The following FAM8A1 variants were observed in gnomAD, a reference collection of about 807,000 sequenced individuals.
FAM8A1 encodes family with sequence similarity 8 member A1, also known as protein FAM8A1.
A neutral mutation model predicts 38.3 loss-of-function variants in FAM8A1; 18 were observed. The observed-to-expected ratio is 0.47, with a 90% CI of 0.33 to 0.70. The LOEUF (loss-of-function observed/expected upper bound fraction) is 0.70, where lower values mean the gene tolerates loss of function less well. Ranked by LOEUF, FAM8A1 falls within the 30% of genes least tolerant of loss-of-function variation. The probability of loss-of-function intolerance (pLI) is 0.03; values close to 1 mark genes in which losing one functional copy is unlikely to be tolerated. For synonymous variants in FAM8A1, 246 were observed against 234.4 expected (o/e 1.05, Z -0.45); for missense variants, 559 against 559.6 (o/e 1.00, Z 0.01).
intron 1 of FAM8A1, among the ~76,000 whole-genome samples, chr6:17,602,203 G>T (rs1478854725): frequency 6.6e-6 from 1 of 152,202 alleles, no homozygotes; most frequent in African/African-American, 2.4e-5. Flanking sequence ...GCTAATTTTT[G>T]TATTTTTTGT....
In FAM8A1 at chr6:17,610,074, G is replaced by A. The variant is rs1764117833; in HGVS notation, c.*1735G>A. 3 of 151,958 alleles carry A rather than the reference G, an allele frequency of 2.0e-5. No individual in the cohort carries two copies. Among genetic ancestry groups the A allele is most frequent in the Admixed American group, 2.0e-4 (3 of 15,252 alleles). The allele number at this position is 151,958 out of a possible 1,614,324, so 9.4% of individuals were successfully genotyped here. On this transcript the variant is annotated 3_prime_UTR_variant, in exon 5 of 5. Coordinates refer to ENST00000259963, the MANE Select transcript of FAM8A1 (RefSeq NM_016255.3). ...GAAGATTGTGTTACTGCCCTTCACAGTGAAAAAAAGAAAAATCTTTCATTT... is the reference window on the plus strand; with the variant it reads ...GAAGATTGTGTTACTGCCCTTCACAATGAAAAAAAGAAAAATCTTTCATTT...
In FAM8A1 at chr6:17,600,306, A is replaced by G. The variant is rs1035519006; in HGVS notation, c.-104A>G. On this transcript the variant is annotated 5_prime_UTR_variant, in exon 1 of 5. Transcript: ENST00000259963. Reference sequence around the variant, plus strand: ...TTCCGCTTCCGGCGGGGGATTGTTGACGCCTGCGGTTGCTGCGGTGGTGAC... The same window carrying G: ...TTCCGCTTCCGGCGGGGGATTGTTGGCGCCTGCGGTTGCTGCGGTGGTGAC... The G allele has an allele frequency of 1.9e-5, 24 of 1,257,594 alleles. No individual in the cohort carries two copies. The highest frequency in any genetic ancestry group is 6.2e-5 in the African/African-American group (4 of 64,134). The allele number at this position is 1,257,594 out of a possible 1,614,324, so 77.9% of individuals were successfully genotyped here.
rs767479364 is a variant in FAM8A1 at position 17,600,859 on chromosome 6, C to T, written c.450C>T (p.Ser150=). The change falls in exon 1 of 5, where the codon AGC becomes AGT. Residue 150 remains serine (S), a synonymous_variant. Transcript: ENST00000259963. ...AYCSPQPSPQ[S]FPSGGAAVPQ... ...GCAGCCCCCAGCCCTCCCCGCAGAG[C>T]TTCCCTTCGGGCGGCGCTGCAGTCC... 2 of 1,608,802 alleles carry T rather than the reference C, an allele frequency of 1.2e-6. No individual in the cohort carries two copies.
intron 1 of FAM8A1, among the ~76,000 whole-genome samples, chr6:17,602,227 C>T (rs1384377642): frequency 6.6e-6 from 1 of 152,228 alleles, no homozygotes; most frequent in Non-Finnish European, 1.5e-5. Context: ...GACGGGGTTT[C>T]GCCATGTTGG....
chr6:17,603,757 A>AC (rs1425122158), intron 2 of FAM8A1, among the ~76,000 whole-genome samples: 1 of 151,440 alleles, frequency 6.6e-6, no homozygotes, highest in Non-Finnish European at 1.5e-5. Context: ...AAAAAAAAAA[A>AC]TTGTTTTTTG....
Position 17,601,048 on chromosome 6 carries a change from C to T in FAM8A1, c.639C>T (p.Val213=). 6.3e-7 allele frequency: 1 copy of T among 1,594,742 alleles called. No individual in the cohort carries two copies. The highest frequency in any genetic ancestry group is 2.3e-5 in the East Asian group (1 of 44,258). ...GGGCTCCTCACGTGCAGGCGTCGGT[C>T]CGGGCCACTCCAGTGACGAGGGTAG... ...GPRAPHVQAS[V]RATPVTRVGS... Residue 213 remains valine (V), a synonymous_variant, in exon 1 of 5, where the codon GTC becomes GTT. Transcript: ENST00000259963.
intron 4 of FAM8A1, among the ~76,000 whole-genome samples, chr6:17,607,550 G>T (rs1764073525): frequency 1.0e-5 from 1 of 97,556 alleles, no homozygotes; most frequent in Non-Finnish European, 2.3e-5. Flanking sequence ...AGATACTATT[G>T]TTCCCTTTTT....
chr6:17,603,845 C>G (rs1464875964), intron 2 of FAM8A1, among the ~76,000 whole-genome samples: 3 of 152,046 alleles, frequency 2.0e-5, no homozygotes, highest in Non-Finnish European at 4.4e-5. Flanking sequence ...CTTAGCTTCC[C>G]AAAGTGCTGA....
Position 17,600,950 on chromosome 6 carries a change from G to A in FAM8A1, c.541G>A (p.Gly181Arg). The A allele has an allele frequency of 6.3e-7, 1 of 1,591,382 alleles. No individual in the cohort carries two copies. The highest frequency in any genetic ancestry group is 8.5e-7 in the Non-Finnish European group (1 of 1,171,440). ...YYNPFYFLSP[G>R]AAGPDPRTAA... ...CAACCCCTTCTACTTCCTGAGCCCC[G>A]GGGCCGCGGGGCCTGACCCGCGGAC... The change falls in exon 1 of 5, where the codon GGG becomes AGG. Residue 181 changes from glycine (G) to arginine (R), a missense_variant. By Grantham distance (125) the Gly-to-Arg change is moderately radical. This residue lies in a region of FAM8A1 where 393 missense variants were observed against 338.9 expected (regional missense o/e 1.16). Coordinates refer to ENST00000259963, the MANE Select transcript of FAM8A1 (RefSeq NM_016255.3).
chr6:17,605,444 T>C (rs1280155932), intron 3 of FAM8A1, among the ~76,000 whole-genome samples: 1 of 150,182 alleles, frequency 6.7e-6, no homozygotes, highest in Non-Finnish European at 1.5e-5. Context: ...ATTATTCATG[T>C]CTTTTCCACA....
intron 1 of FAM8A1, 46 bp downstream of exon 1, chr6:17,601,167 G>A: frequency 1.3e-6 from 2 of 1,544,266 alleles, no homozygotes; most frequent in Non-Finnish European, 1.7e-6. Flanking sequence ...AGGGTTTTCG[G>A]GGGCCTGTGG....
In FAM8A1 at chr6:17,609,921, ATAATTT is replaced by A. The variant is rs993806770; in HGVS notation, c.*1585_*1590del. 1 of 152,208 alleles carries A rather than the reference ATAATTT, an allele frequency of 6.6e-6. No homozygotes were observed. The highest frequency in any genetic ancestry group is 2.4e-5 in the African/African-American group (1 of 41,454). 9.4% of individuals were successfully genotyped at this position (152,208 alleles called of 1,614,324 possible). On this transcript the variant is annotated 3_prime_UTR_variant, in exon 5 of 5. Transcript: ENST00000259963. ...GATTATAGAAACTTAATGTCTATTA[ATAATTT>A]TAGTACAAAATTTCATAAACCGTGT...
rs546221695 is a variant in FAM8A1, at chr6:17,608,071, C to G, written c.1098-124C>G. ...AACTATACCTTGAATGTCTTTTTCC[C>G]TGTAGACTTCTGTAGAGAAGTACAA... On this transcript the variant is annotated intron_variant, in intron 4 of 4. Coordinates refer to ENST00000259963, the MANE Select transcript of FAM8A1 (RefSeq NM_016255.3). 14 of 1,033,836 alleles carry G rather than the reference C, an allele frequency of 1.4e-5. No individual in the cohort carries two copies. In the East Asian group the frequency reaches 3.1e-4, roughly 23 times the overall value. The allele number at this position is 1,033,836 out of a possible 1,614,324, so 64.0% of individuals were successfully genotyped here.
chr6:17,606,894 A>G (rs1764059463), intron 4 of FAM8A1, among the ~76,000 whole-genome samples: 1 of 152,172 alleles, frequency 6.6e-6, no homozygotes, highest in Non-Finnish European at 1.5e-5. Flanking sequence ...TCAGAGCTGG[A>G]TTGTTACATC....
intron 4 of FAM8A1, among the ~76,000 whole-genome samples, chr6:17,607,754 A>G (rs1388747062): frequency 6.6e-6 from 1 of 152,218 alleles, no homozygotes; most frequent in East Asian, 1.9e-4. Flanking sequence ...TTGCTTAATC[A>G]CTGGATCCCA....
At position 17,611,469 on chromosome 6, in the gene FAM8A1, G is replaced by A. The variant is rs1408169135; in HGVS notation, c.*3130G>A. 2 of 152,588 alleles carry A rather than the reference G, an allele frequency of 1.3e-5. No homozygotes were observed. Among genetic ancestry groups the A allele is most frequent in the Non-Finnish European group, 2.9e-5 (2 of 68,026 alleles). 9.5% of individuals were successfully genotyped at this position (152,588 alleles called of 1,614,324 possible). A position where few individuals can be genotyped will look rare whatever the true frequency, so the allele number is the denominator to read the frequency against. On this transcript the variant is annotated 3_prime_UTR_variant, in exon 5 of 5. Transcript: ENST00000259963. ...AGTATTCTTAAAATCTGACAGACAA[G>A]TAACATGTCAATTACTTGATATTCC...
chr6:17,601,394 A>G (rs1011056080), intron 1 of FAM8A1, among the ~76,000 whole-genome samples: 5 of 152,344 alleles, frequency 3.3e-5, no homozygotes, highest in African/African-American at 1.2e-4. Context: ...ATTGCTCTTC[A>G]AACCATCCTC....
At chr6:17,602,529 G>C in intron 1 of FAM8A1, 61 bp from the exon 2 acceptor site, 2 of 1,529,572 alleles carry the variant, frequency 1.3e-6, no homozygotes, top group East Asian at 4.5e-5. Context: ...CATGGCTTGT[G>C]TTCCAAGGCT....
intron 2 of FAM8A1, among the ~76,000 whole-genome samples, chr6:17,604,616 CTA>C (rs986672739): frequency 6.6e-6 from 1 of 152,054 alleles, no homozygotes; most frequent in Admixed American, 6.6e-5. Flanking sequence ...TTTATTATTG[CTA>C]TTTATTTATT....
Sources: gnomAD v4.1 joint callset for allele counts (sites outside exome capture counted in the v4.1 genomes callset) on GRCh38, gnomAD v4.1.1 for gene constraint, gnomAD v4.1.1 regional missense constraint, MANE v1.5 for transcripts, NCBI Gene and HGNC (gene_info 2026-07-23, HGNC 2026-07-21) for gene names.